Variants in DPP6 observed in about 807,000 individuals in gnomAD.
DPP6 encodes the protein A-type potassium channel modulatory protein DPP6.
In DPP6, 69 loss-of-function variants were observed where a neutral mutation model predicts 122.6. The ratio of observed to expected loss-of-function variants is 0.56; its 90% CI spans 0.46 to 0.69. The LOEUF (loss-of-function observed/expected upper bound fraction) is 0.69. Ranked by LOEUF, DPP6 falls within the 30% of genes least tolerant of loss-of-function variation. The pLI, the probability that DPP6 is intolerant of heterozygous loss-of-function variation, is 0.00. For synonymous variants in DPP6, 418 were observed against 433.1 expected, an observed-to-expected ratio of 0.97 and a Z score of 0.43; for missense variants, 928 against 1,116.9, an observed-to-expected ratio of 0.83 and a Z score of 2.41.
rs903468719 is a variant in DPP6 at position 154,280,253 on chromosome 7, C to A, written c.244-165961C>A. On this transcript the variant is annotated intron_variant, in intron 1 of 25. Transcript: ENST00000377770. ...GTATTGGACTAAAATGCAAACGTCA[C>A]TTGTAAATCTATTCCTTTGGGCTTC... 5.3e-5 allele frequency among the ~76,000 whole-genome samples: 8 copies of A among 152,272 alleles called. No homozygotes were observed. The East Asian group carries it at 1.4e-3, about 26-fold the overall frequency.
chr7:154,798,099 A>G (rs1587173797), intron 12 of DPP6, among the ~76,000 whole-genome samples: 1 of 152,192 alleles, frequency 6.6e-6, no homozygotes, highest in Admixed American at 6.5e-5. Context: ...CAAGGTGGAC[A>G]TGCACACTCT....
chr7:154,568,486 G>A (rs75242039), intron 5 of DPP6, among the ~76,000 whole-genome samples: 1,988 of 152,264 alleles, frequency 0.013, 51 homozygotes, highest in East Asian at 0.086. Flanking sequence ...ATTGTTCTCC[G>A]GAATGTGACA....
intron 1 of DPP6, among the ~76,000 whole-genome samples, chr7:154,328,901 G>T (rs1371359507): frequency 6.6e-6 from 1 of 152,204 alleles, no homozygotes; most frequent in Non-Finnish European, 1.5e-5. Context: ...CAGATCCACA[G>T]TCATCCACTG....
At chr7:154,449,765 TG>T (rs895603686) in intron 2 of DPP6, among the ~76,000 whole-genome samples, 1 of 151,984 alleles carries the variant, frequency 6.6e-6, no homozygotes, top group African/African-American at 2.4e-5. Flanking sequence ...CCCAGCACTT[TG>T]GGAGGCCAAG....
intron 1 of DPP6, among the ~76,000 whole-genome samples, chr7:154,323,736 A>G (rs1808179600): frequency 6.6e-6 from 1 of 152,194 alleles, no homozygotes; most frequent in Admixed American, 6.5e-5. Context: ...CCCTCAGAAC[A>G]CTGGGACAAG....
In DPP6 at chr7:154,727,764, T is replaced by C. The variant is rs753395911; in HGVS notation, c.763-3T>C. Reference sequence around the variant, plus strand: ...ATTATGCTTTTTTCTCTTTCCAAATTAGATATTTATTTTTGAAAACAATAT... The same window carrying C: ...ATTATGCTTTTTTCTCTTTCCAAATCAGATATTTATTTTTGAAAACAATAT... On this transcript the variant is annotated splice_polypyrimidine_tract_variant and splice_region_variant and intron_variant, in intron 7 of 25. Transcript: ENST00000377770. The C allele has an allele frequency of 3.7e-6, 6 of 1,608,582 alleles. No individual in the cohort carries two copies. The highest frequency in any genetic ancestry group is 4.5e-5 in the East Asian group (2 of 44,784).
intron 6 of DPP6, among the ~76,000 whole-genome samples, chr7:154,664,185 G>A (rs895542703): frequency 3.3e-5 from 5 of 149,412 alleles, no homozygotes; most frequent in Non-Finnish European, 4.5e-5. Context: ...GCATATTGGC[G>A]CTAGTGTTCA....
At chr7:154,422,976 C>T (rs1817602674) in intron 1 of DPP6, among the ~76,000 whole-genome samples, 1 of 152,152 alleles carries the variant, frequency 6.6e-6, no homozygotes, top group Non-Finnish European at 1.5e-5. Flanking sequence ...TGAAGCCCCC[C>T]ATCTCAGGGG....
intron 1 of DPP6, among the ~76,000 whole-genome samples, chr7:154,386,658 G>T: frequency 6.6e-6 from 1 of 152,260 alleles, no homozygotes; most frequent in Admixed American, 6.5e-5. Flanking sequence ...AGGGATTCTA[G>T]CTCTCCACTG....
chr7:154,492,276 C>A (rs1824341596), intron 3 of DPP6, among the ~76,000 whole-genome samples: 1 of 152,190 alleles, frequency 6.6e-6, no homozygotes, highest in Non-Finnish European at 1.5e-5. Flanking sequence ...TGAATGCATG[C>A]AGACGCACAC....
intron 3 of DPP6, among the ~76,000 whole-genome samples, chr7:154,485,187 G>A (rs953930726): frequency 3.9e-5 from 6 of 152,038 alleles, no homozygotes; most frequent in Admixed American, 2.0e-4. Flanking sequence ...GGCAGGCTTC[G>A]TAAGAGGGAC....
intron 1 of DPP6, among the ~76,000 whole-genome samples, chr7:154,278,512 G>C (rs1270904899): frequency 6.6e-6 from 1 of 152,228 alleles, no homozygotes; most frequent in East Asian, 1.9e-4. Context: ...TATCTATCAT[G>C]AATTGAGCAT....
At chr7:154,855,918 CT>C (rs1802794877) in intron 17 of DPP6, among the ~76,000 whole-genome samples, 1 of 152,010 alleles carries the variant, frequency 6.6e-6, no homozygotes, top group South Asian at 2.1e-4. Flanking sequence ...AGGTTTTCCC[CT>C]TCTTGAAAAT....
At position 154,351,842 on chromosome 7, in the gene DPP6, G is replaced by A. The variant is rs567421960; in HGVS notation, c.244-94372G>A. Among the ~76,000 whole-genome samples, 228 of 152,324 alleles carry A rather than the reference G, an allele frequency of 1.5e-3. 1 individual carries two copies. The highest frequency in any genetic ancestry group is 8.3e-3 in the South Asian group (40 of 4,826). Reference sequence around the variant, plus strand: ...CTTTGCTCCAGCTGAGCACCGGCTTGTCTCAAGAACAGGCTACTGCATGGC... The same window carrying A: ...CTTTGCTCCAGCTGAGCACCGGCTTATCTCAAGAACAGGCTACTGCATGGC... On this transcript the variant is annotated intron_variant, in intron 1 of 25. Transcript: ENST00000377770.
chr7:154,872,187 C>T (rs987699530), intron 18 of DPP6, among the ~76,000 whole-genome samples: 6 of 152,228 alleles, frequency 3.9e-5, no homozygotes, highest in Non-Finnish European at 8.8e-5. Context: ...CCTGTCTCCC[C>T]TGACCCTCTA....
intron 1 of DPP6, among the ~76,000 whole-genome samples, chr7:154,220,299 A>G (rs1800231305): frequency 6.6e-6 from 1 of 152,196 alleles, no homozygotes; most frequent in South Asian, 2.1e-4. Context: ...ACACAGTAAG[A>G]AAACACCTTA....
At position 153,887,698 on chromosome 7, in the gene DPP6, C is replaced by G. The variant is rs75677723; in HGVS notation, c.15C>G (p.Ala5=). The change falls in exon 1 of 26, where the codon GCC becomes GCG. Residue 5 remains alanine (A), a synonymous_variant. Transcript: ENST00000404039. ...CTTGGGGCAAAATGAAGGAAAAGGC[C>G]ATGATCAAGACCGCTAAGATGCAGG... The G allele has an allele frequency of 3.7e-5, 59 of 1,613,786 alleles. 1 individual carries two copies. The South Asian group carries it at 6.1e-4, about 17-fold the overall frequency.
At chr7:154,772,633 C>T (rs1368877395) in intron 9 of DPP6, among the ~76,000 whole-genome samples, 16 of 152,142 alleles carry the variant, frequency 1.1e-4, no homozygotes, top group Admixed American at 1.0e-3. Flanking sequence ...GGATGGGATT[C>T]TAGAAAAGCA....
At chr7:154,383,226 T>A (rs1418407733) in intron 1 of DPP6, among the ~76,000 whole-genome samples, 1 of 152,222 alleles carries the variant, frequency 6.6e-6, no homozygotes, top group Non-Finnish European at 1.5e-5. Context: ...CAGGCTGAAG[T>A]GGAAATGTGA....
Sources: gnomAD v4.1 joint callset for allele counts (sites outside exome capture counted in the v4.1 genomes callset) on GRCh38, gnomAD v4.1.1 for gene constraint, MANE v1.5 for transcripts, NCBI Gene and HGNC (gene_info 2026-07-23, HGNC 2026-07-21) for gene names.